CTNND2: variants seen among roughly 807,000 people sequenced by gnomAD.
CTNND2 encodes catenin delta-2.
Under a neutral mutation model 144.4 loss-of-function variants are expected in CTNND2, and 22 were observed. The observed-to-expected ratio is 0.15, with a 90% confidence interval of 0.11 to 0.22. The LOEUF is 0.22. Among genes scored for constraint, CTNND2 ranks in the 10% least tolerant of loss-of-function variants. The pLI is 1.00. For synonymous variants in CTNND2, 751 were observed against 695.6 expected, an observed-to-expected ratio of 1.08 and a Z score of -1.25; for missense variants, 1,353 against 1,618.8, an observed-to-expected ratio of 0.84 and a Z score of 2.82.
intron 2 of CTNND2, among the ~76,000 whole-genome samples, chr5:11,636,050 C>T (rs1436684160): frequency 7.0e-6 from 1 of 141,868 alleles, no homozygotes; most frequent in African/African-American, 2.7e-5. Context: ...GCCACACACA[C>T]ATTCATGATT....
intron 3 of CTNND2, among the ~76,000 whole-genome samples, chr5:11,502,682 C>A (rs1770653615): frequency 6.6e-6 from 1 of 152,084 alleles, no homozygotes; most frequent in African/African-American, 2.4e-5. Context: ...ACATTTGGTA[C>A]CCCAGACTAT....
chr5:11,686,921 C>A (rs1478747323), intron 2 of CTNND2, among the ~76,000 whole-genome samples: 1 of 149,696 alleles, frequency 6.7e-6, no homozygotes. Context: ...AAAATATAGA[C>A]AAAAATAGAA....
intron 2 of CTNND2, among the ~76,000 whole-genome samples, chr5:11,719,875 C>CACACA (rs1786565596): frequency 6.7e-6 from 1 of 148,516 alleles, no homozygotes; most frequent in Non-Finnish European, 1.5e-5. Flanking sequence ...CACACACACA[C>CACACA]ACCACAGATC....
chr5:11,330,689 G>T (rs1753045104), intron 9 of CTNND2, among the ~76,000 whole-genome samples: 1 of 150,904 alleles, frequency 6.6e-6, no homozygotes, highest in Non-Finnish European at 1.5e-5. Context: ...AATTTAGCTG[G>T]GCATGCTCAC....
intron 1 of CTNND2, among the ~76,000 whole-genome samples, chr5:11,802,405 T>C (rs1365130490): frequency 6.6e-6 from 1 of 150,950 alleles, no homozygotes; most frequent in Non-Finnish European, 1.5e-5. Flanking sequence ...CCGTCCCTAC[T>C]AAAAGTGCAA....
intron 2 of CTNND2, among the ~76,000 whole-genome samples, chr5:11,590,931 C>A (rs866756324): frequency 2.6e-5 from 4 of 152,218 alleles, no homozygotes; most frequent in South Asian, 2.1e-4. Context: ...CTTATAGGGA[C>A]ACATTTAACA....
chr5:11,620,711 A>C (rs1399982137), intron 2 of CTNND2, among the ~76,000 whole-genome samples: 1 of 152,172 alleles, frequency 6.6e-6, no homozygotes, highest in Non-Finnish European at 1.5e-5. Context: ...ACAATAGGTC[A>C]CTGGGTCTAT....
intron 9 of CTNND2, among the ~76,000 whole-genome samples, chr5:11,290,861 A>G (rs936030253): frequency 6.6e-6 from 1 of 152,180 alleles, no homozygotes; most frequent in African/African-American, 2.4e-5. Context: ...TCATATAGTC[A>G]AGCAGGACAC....
At chr5:11,102,735 A>G (rs1239165575) in intron 14 of CTNND2, among the ~76,000 whole-genome samples, 4 of 152,154 alleles carry the variant, frequency 2.6e-5, no homozygotes, top group Non-Finnish European at 5.9e-5. Flanking sequence ...GCTTCCCAAG[A>G]TAGAAGGTTA....
intron 15 of CTNND2, among the ~76,000 whole-genome samples, chr5:11,084,910 C>A (rs1398925940): frequency 6.6e-6 from 1 of 152,046 alleles, no homozygotes; most frequent in Admixed American, 6.6e-5. Flanking sequence ...TGACATTATA[C>A]CCCCTCTACC....
chr5:11,499,800 G>C (rs1040849668), intron 3 of CTNND2, among the ~76,000 whole-genome samples: 2 of 151,868 alleles, frequency 1.3e-5, no homozygotes, highest in Non-Finnish European at 2.9e-5. Context: ...TTATCTTAAG[G>C]CTCTTTTACT....
At chr5:11,182,192 G>T (rs1326095656) in intron 11 of CTNND2, among the ~76,000 whole-genome samples, 1 of 145,796 alleles carries the variant, frequency 6.9e-6, no homozygotes, top group Non-Finnish European at 1.5e-5. Context: ...TGTGTGTGGG[G>T]TATGTGTGTG....
chr5:11,507,067 T>G (rs1001595421), intron 3 of CTNND2, among the ~76,000 whole-genome samples: 1 of 152,172 alleles, frequency 6.6e-6, no homozygotes, highest in Non-Finnish European at 1.5e-5. Flanking sequence ...CCGACCTACT[T>G]CAGACCTCAT....
At chr5:11,121,997 G>A (rs529434288) in intron 12 of CTNND2, among the ~76,000 whole-genome samples, 36 of 152,280 alleles carry the variant, frequency 2.4e-4, no homozygotes, top group South Asian at 1.7e-3. Flanking sequence ...AGTAGAAAGC[G>A]TGTCATTCTC....
chr5:11,662,177 A>ACATATATGTGTATATATGTGTATATATG (rs1554101259), intron 2 of CTNND2, among the ~76,000 whole-genome samples: 19,258 of 130,980 alleles, frequency 0.15, 2,855 homozygotes, highest in African/African-American at 0.36. Flanking sequence ...GTGTATATAT[A>ACATATATGTGTATATATGTGTATATATG]CATATATGTG....
At chr5:11,345,890 GTTTAT>G (rs1465039097) in intron 9 of CTNND2, among the ~76,000 whole-genome samples, 1 of 151,890 alleles carries the variant, frequency 6.6e-6, no homozygotes, top group African/African-American at 2.4e-5. Context: ...TCATCCTAAT[GTTTAT>G]TTTCAGACAT....
chr5:11,068,777 C>T (rs561874662), intron 16 of CTNND2, among the ~76,000 whole-genome samples: 21 of 152,176 alleles, frequency 1.4e-4, no homozygotes, highest in East Asian at 7.8e-4. Context: ...ATTATCCGGG[C>T]GTGGTGGCGG....
chr5:11,314,679 T>A (rs542995468), intron 9 of CTNND2, among the ~76,000 whole-genome samples: 5 of 152,344 alleles, frequency 3.3e-5, no homozygotes, highest in African/African-American at 1.2e-4. Flanking sequence ...GACTGGCTTT[T>A]TAAAATCAAA....
intron 2 of CTNND2, among the ~76,000 whole-genome samples, chr5:11,723,390 T>TG: frequency 6.6e-6 from 1 of 152,206 alleles, no homozygotes; most frequent in East Asian, 1.9e-4. Context: ...AATTGCAATT[T>TG]GGGGGCCTAG....
Sources: allele counts gnomAD v4.1 joint callset (sites outside exome capture counted in the v4.1 genomes callset), GRCh38; gene constraint gnomAD v4.1.1; transcripts MANE v1.5; gene names NCBI Gene and HGNC (gene_info 2026-07-23, HGNC 2026-07-21).